Variants in FRMD3 observed in about 807,000 individuals in gnomAD.
FRMD3 encodes FERM domain-containing protein 3.
In FRMD3, 33 loss-of-function variants were observed where a neutral mutation model predicts 70.2. The ratio of observed to expected loss-of-function variants is 0.47; its 90% CI spans 0.36 to 0.63. The LOEUF is 0.63. FRMD3 is among the 20% of genes least tolerant of loss of function. The probability of loss-of-function intolerance (pLI) is 0.00; values close to 1 mark genes in which losing one functional copy is unlikely to be tolerated. For synonymous variants in FRMD3, 279 were observed against 255.9 expected, an observed-to-expected ratio of 1.09 and a Z score of -0.86; for missense variants, 632 against 711.4, an observed-to-expected ratio of 0.89 and a Z score of 1.27.
At chr9:83,365,004 G>A (rs537082209) in intron 3 of FRMD3, among the ~76,000 whole-genome samples, 1 of 152,044 alleles carries the variant, frequency 6.6e-6, no homozygotes, top group Non-Finnish European at 1.5e-5. Context: ...CACATTTCTG[G>A]CTCTATATCT....
intron 2 of FRMD3, among the ~76,000 whole-genome samples, chr9:83,384,659 C>T (rs1451777093): frequency 6.6e-6 from 1 of 152,098 alleles, no homozygotes; most frequent in African/African-American, 2.4e-5. Flanking sequence ...CCAGCTCATC[C>T]TCCTATCAGA....
chr9:83,301,040 A>G (rs905213455), intron 10 of FRMD3, among the ~76,000 whole-genome samples: 1 of 152,206 alleles, frequency 6.6e-6, no homozygotes, highest in Non-Finnish European at 1.5e-5. Context: ...AAGATGGGCA[A>G]GGGAGGGCAC....
intron 13 of FRMD3, among the ~76,000 whole-genome samples, chr9:83,261,293 G>GA (rs1487981088): frequency 6.6e-6 from 1 of 152,120 alleles, no homozygotes; most frequent in Non-Finnish European, 1.5e-5. Flanking sequence ...CATCCTTGCA[G>GA]ACTAAACTCT....
rs531474102 is a variant in FRMD3 at position 83,403,610 on chromosome 9, G to A, written c.148-13902C>T. On this transcript the variant is annotated intron_variant, in intron 1 of 13. Transcript: ENST00000304195. Reference sequence around the variant, plus strand: ...CACTTCATTGGTATACATGTGGCTCGACACAGCCACACCACAGGAAATTAC... The same window carrying A: ...CACTTCATTGGTATACATGTGGCTCAACACAGCCACACCACAGGAAATTAC... Among the ~76,000 whole-genome samples the A allele has an allele frequency of 5.9e-5, 9 of 152,210 alleles. No homozygotes were observed. In the South Asian group the frequency reaches 1.9e-3, roughly 32 times the overall value.
chr9:83,282,326 G>T (rs1834004699), intron 13 of FRMD3, among the ~76,000 whole-genome samples: 1 of 152,160 alleles, frequency 6.6e-6, no homozygotes, highest in African/African-American at 2.4e-5. Flanking sequence ...CAAAATGGAG[G>T]ATATTATATA....
intron 1 of FRMD3, among the ~76,000 whole-genome samples, chr9:83,406,296 C>G (rs7018958): frequency 0.042 from 6,463 of 152,276 alleles, 188 homozygotes; most frequent in African/African-American, 0.068. Flanking sequence ...TTCCCATCAT[C>G]ATGGCCACAA....
chr9:83,261,100 T>TACAC (rs1402795499), intron 13 of FRMD3, among the ~76,000 whole-genome samples: 158 of 27,050 alleles, frequency 5.8e-3, no homozygotes, highest in African/African-American at 0.015. Context: ...AAAGGAAACT[T>TACAC]AGACACACAC....
chr9:83,258,153 G>C lies in FRMD3; in HGVS notation c.1196-9637C>G, dbSNP rs1587631386. Among the ~76,000 whole-genome samples, 7 of 152,230 alleles carry C rather than the reference G, an allele frequency of 4.6e-5. 1 individual carries two copies. The highest frequency in any genetic ancestry group is 4.6e-4 in the Admixed American group (7 of 15,284). Reference sequence around the variant, plus strand: ...CACTCATGAAAACCCCAATACAACAGCATGCCCTAAAGATATGTCAGGCAT... The same window carrying C: ...CACTCATGAAAACCCCAATACAACACCATGCCCTAAAGATATGTCAGGCAT... On this transcript the variant is annotated intron_variant, in intron 13 of 13. Transcript: ENST00000304195.
At chr9:83,497,152 C>T (rs1240119319) in intron 1 of FRMD3, among the ~76,000 whole-genome samples, 2 of 152,086 alleles carry the variant, frequency 1.3e-5, no homozygotes, top group East Asian at 1.9e-4. Flanking sequence ...GAGTAATACC[C>T]AAATTCAGTA....
rs115421547 is a variant in FRMD3, at chr9:83,340,203, G to A, written c.472+2987C>T. Among the ~76,000 whole-genome samples, 237 of 152,224 alleles carry A rather than the reference G, an allele frequency of 1.6e-3. 1 individual carries two copies. Among genetic ancestry groups the A allele is most frequent in the African/African-American group, 5.2e-3 (217 of 41,526 alleles). On this transcript the variant is annotated intron_variant, in intron 5 of 13. Transcript: ENST00000304195. ...AAAATACAAAACCTGTCAATCACCT[G>A]GAGTTTAGGCAAGTGCCCCGATTCA... is the stretch of plus-strand genomic sequence containing the variant.
At chr9:83,431,636 CT>C (rs1826979604) in intron 1 of FRMD3, among the ~76,000 whole-genome samples, 1 of 152,072 alleles carries the variant, frequency 6.6e-6, no homozygotes, top group Admixed American at 6.5e-5. Flanking sequence ...AGAGTATCAG[CT>C]TTTGCTGAAG....
At chr9:83,397,039 G>T (rs1452349675) in intron 1 of FRMD3, among the ~76,000 whole-genome samples, 1 of 152,182 alleles carries the variant, frequency 6.6e-6, no homozygotes, top group Non-Finnish European at 1.5e-5. Context: ...GCTGATCATG[G>T]CTGACTGATG....
chr9:83,475,205 A>G (rs1828366874), intron 1 of FRMD3, among the ~76,000 whole-genome samples: 1 of 152,306 alleles, frequency 6.6e-6, no homozygotes, highest in East Asian at 1.9e-4. Context: ...TGGGATTATC[A>G]GGCATAGACT....
chr9:83,415,415 A>G (rs893076942), intron 1 of FRMD3, among the ~76,000 whole-genome samples: 1 of 149,376 alleles, frequency 6.7e-6, no homozygotes, highest in Non-Finnish European at 1.5e-5. Flanking sequence ...CAGTAAAACT[A>G]TGTTCCTGAG....
At chr9:83,507,201 T>C (rs1829202247) in intron 1 of FRMD3, among the ~76,000 whole-genome samples, 1 of 149,118 alleles carries the variant, frequency 6.7e-6, no homozygotes, top group African/African-American at 2.5e-5. Flanking sequence ...ATCCCGTCTC[T>C]ACTAAAAATA....
At chr9:83,258,682 G>A (rs1832840537) in intron 13 of FRMD3, among the ~76,000 whole-genome samples, 1 of 152,196 alleles carries the variant, frequency 6.6e-6, no homozygotes. Context: ...GTAAAGACTG[G>A]AGTCTGGGTG....
chr9:83,338,865 T>A (rs1374535341), intron 5 of FRMD3, among the ~76,000 whole-genome samples: 2 of 152,090 alleles, frequency 1.3e-5, no homozygotes, highest in Non-Finnish European at 2.9e-5. Flanking sequence ...CAACCTATGT[T>A]CCAAAAGAAA....
intron 2 of FRMD3, among the ~76,000 whole-genome samples, chr9:83,380,103 T>C (rs578124614): frequency 6.6e-6 from 1 of 152,310 alleles, no homozygotes; most frequent in South Asian, 2.1e-4. Context: ...AAAAGCTGTC[T>C]TCCATGGTGT....
intron 3 of FRMD3, among the ~76,000 whole-genome samples, chr9:83,353,542 G>C (rs1312809066): frequency 2.6e-5 from 4 of 152,144 alleles, no homozygotes; most frequent in Non-Finnish European, 4.4e-5. Context: ...GATTTTCTGA[G>C]TGTGTGGATA....
Sources: gnomAD v4.1 joint callset for allele counts (sites outside exome capture counted in the v4.1 genomes callset) on GRCh38, gnomAD v4.1.1 for gene constraint, MANE v1.5 for transcripts, NCBI Gene and HGNC (gene_info 2026-07-23, HGNC 2026-07-21) for gene names.